Variants in POMZP3 observed in about 807,000 individuals in gnomAD.
POMZP3 encodes the protein POM121 and ZP3 fusion, also known as POM121 and ZP3 fusion protein.
A neutral mutation model predicts 19.8 loss-of-function variants in POMZP3; 10 were observed. The observed-to-expected ratio is 0.51, with a 90% CI of 0.31 to 0.86. POMZP3 has a LOEUF of 0.86. Among genes scored for constraint, POMZP3 ranks in the 40% least tolerant of loss-of-function variants. POMZP3 has a pLI of 0.04. For missense variants in POMZP3, 152 were observed against 228.1 expected (o/e 0.67, Z 2.15); for synonymous variants, 57 against 85.8 (o/e 0.66, Z 1.85).
At chr7:76,620,907 C>T (rs55957742) in intron 3 of POMZP3, among the ~76,000 whole-genome samples, 32,587 of 120,348 alleles carry the variant, frequency 0.27, 4,680 homozygotes, top group Middle Eastern at 0.53. Flanking sequence ...CTCTCTGTGT[C>T]GCCAAGGCTG....
At chr7:76,621,857 G>A (rs1273629502) in intron 3 of POMZP3, among the ~76,000 whole-genome samples, 2 of 145,742 alleles carry the variant, frequency 1.4e-5, no homozygotes, top group Non-Finnish European at 3.0e-5. Flanking sequence ...GGAGAATGGC[G>A]TGAACCCGGG....
At chr7:76,624,435 T>C (rs1241894340) in intron 3 of POMZP3, among the ~76,000 whole-genome samples, 2 of 140,964 alleles carry the variant, frequency 1.4e-5, no homozygotes, top group African/African-American at 2.8e-5. Flanking sequence ...TAGGTTATTT[T>C]ACAAACCACA....
At chr7:76,611,174 A>G (rs1815076720) in intron 6 of POMZP3, among the ~76,000 whole-genome samples, 1 of 150,454 alleles carries the variant, frequency 6.6e-6, no homozygotes, top group East Asian at 2.0e-4. Flanking sequence ...ATGCCAAGCC[A>G]GATTATCTTA....
rs533942577 is a variant in POMZP3, at chr7:76,626,705, C to T, written c.-152+3G>A. On this transcript the variant is annotated splice_donor_region_variant and intron_variant, in intron 1 of 6. Transcript: ENST00000310842. ...ATGATCTGGGAAAATCAGCGCATCT[C>T]ACCGTGGGGAAGGCCTCCCGGAGGG... 1.7e-4 allele frequency: 236 copies of T among 1,381,896 alleles called. 4 individuals carry two copies. In the South Asian group the frequency reaches 3.7e-3, roughly 22 times the overall value. The allele number at this position is 1,381,896 out of a possible 1,614,324, so 85.6% of individuals were successfully genotyped here.
intron 3 of POMZP3, 104 bp from the exon 4 acceptor site, chr7:76,618,404 T>C (rs745716883): frequency 8.9e-5 from 85 of 950,030 alleles, no homozygotes; most frequent in Non-Finnish European, 1.3e-4. Flanking sequence ...GGTGGATCAC[T>C]TGAGGTCAGG....
Position 76,626,096 on chromosome 7 carries a change from T to C in POMZP3, c.-32A>G. ...GTTGCGAGGGGACAGCACAGCCTTC[T>C]TGTGATAACCATTCCAGCACACTGT... On this transcript the variant is annotated 5_prime_UTR_variant, in exon 2 of 7. Coordinates refer to ENST00000310842, the MANE Select transcript of POMZP3 (RefSeq NM_012230.5). The C allele has an allele frequency of 6.2e-7, 1 of 1,613,780 alleles. No homozygotes were observed. The highest frequency in any genetic ancestry group is 8.5e-7 in the Non-Finnish European group (1 of 1,179,748).
chr7:76,622,562 C>T (rs1456202056), intron 3 of POMZP3, among the ~76,000 whole-genome samples: 1 of 151,392 alleles, frequency 6.6e-6, no homozygotes, highest in African/African-American at 2.4e-5. Flanking sequence ...GACAGGGTTT[C>T]ACCATCTTGG....
intron 3 of POMZP3, among the ~76,000 whole-genome samples, chr7:76,623,098 T>C (rs544453142): frequency 1.7e-3 from 263 of 151,816 alleles, no homozygotes; most frequent in African/African-American, 5.8e-3. Flanking sequence ...TCTCTAACTC[T>C]TGGGCTCAAG....
intron 3 of POMZP3, among the ~76,000 whole-genome samples, chr7:76,618,779 C>T (rs984688711): frequency 1.7e-4 from 26 of 152,014 alleles, no homozygotes; most frequent in Non-Finnish European, 2.5e-4. Flanking sequence ...GGGGGATAAG[C>T]TGAAGAATTG....
At chr7:76,614,869 A>AG (rs1815237633) in intron 4 of POMZP3, among the ~76,000 whole-genome samples, 1 of 100,324 alleles carries the variant, frequency 1.0e-5, no homozygotes, top group Admixed American at 9.8e-5. Context: ...AAAAAAAAAA[A>AG]AAAAAAAAGT....
In POMZP3 at chr7:76,611,946, C is replaced by G. The variant is rs979187749; in HGVS notation, c.346-133G>C. On this transcript the variant is annotated intron_variant, in intron 4 of 6. Transcript: ENST00000310842. ...GGGTGCGATGGCACACACCTATAAT[C>G]CCAGCACTTTGGGAGGCCAAGGCGG... 28 of 1,498,144 alleles carry G rather than the reference C, an allele frequency of 1.9e-5. 1 individual carries two copies. The highest frequency in any genetic ancestry group is 2.3e-5 in the Non-Finnish European group (26 of 1,113,606). 92.8% of individuals were successfully genotyped at this position (1,498,144 alleles called of 1,614,324 possible). A position where few individuals can be genotyped will look rare whatever the true frequency, so the allele number is the denominator to read the frequency against.
intron 4 of POMZP3, chr7:76,615,345 CTT>C (rs1242091927): frequency 1.1e-5 from 1 of 92,856 alleles, no homozygotes; most frequent in Non-Finnish European, 2.3e-5. Context: ...GGCCAGGACT[CTT>C]TTCCCAAATC....
chr7:76,619,094 T>G (rs367992799), intron 3 of POMZP3, among the ~76,000 whole-genome samples: 3 of 152,144 alleles, frequency 2.0e-5, no homozygotes, highest in East Asian at 1.9e-4. Flanking sequence ...GACTGAATTT[T>G]TAAAGATTTA....
intron 6 of POMZP3, among the ~76,000 whole-genome samples, chr7:76,610,506 A>G (rs1815040505): frequency 6.6e-6 from 1 of 151,634 alleles, no homozygotes; most frequent in Non-Finnish European, 1.5e-5. Context: ...AAAAAAGTTA[A>G]CTGGGCATGG....
chr7:76,623,808 A>T (rs140076603), intron 3 of POMZP3, among the ~76,000 whole-genome samples: 4,067 of 152,196 alleles, frequency 0.027, 99 homozygotes, highest in Non-Finnish European at 0.041. Flanking sequence ...CCTCCAAAAA[A>T]AAAGAAAGAG....
chr7:76,623,339 T>C (rs1265779402), intron 3 of POMZP3, among the ~76,000 whole-genome samples: 1 of 151,818 alleles, frequency 6.6e-6, no homozygotes, highest in Admixed American at 6.6e-5. Flanking sequence ...ACCTGACTTT[T>C]AGCAACAAGG....
intron 3 of POMZP3, among the ~76,000 whole-genome samples, chr7:76,623,906 T>C (rs1815711934): frequency 6.7e-6 from 1 of 149,500 alleles, no homozygotes; most frequent in Middle Eastern, 3.2e-3. Flanking sequence ...GCAATTTTGT[T>C]TAAGTTGGGG....
intron 3 of POMZP3, among the ~76,000 whole-genome samples, chr7:76,623,157 C>T (rs1815666972): frequency 1.3e-5 from 2 of 151,350 alleles, no homozygotes; most frequent in African/African-American, 4.8e-5. Flanking sequence ...CAGGTGTGAG[C>T]CACCGCACCC....
At chr7:76,620,804 A>G (rs1815511241) in intron 3 of POMZP3, among the ~76,000 whole-genome samples, 1 of 148,784 alleles carries the variant, frequency 6.7e-6, no homozygotes, top group Non-Finnish European at 1.5e-5. Context: ...AGGGGCTGGG[A>G]CTTACATAAG....
Sources: allele counts gnomAD v4.1 joint callset (sites outside exome capture counted in the v4.1 genomes callset), GRCh38; gene constraint gnomAD v4.1.1; transcripts MANE v1.5; gene names NCBI Gene and HGNC (gene_info 2026-07-23, HGNC 2026-07-21).